The following GTF2F2 variants were observed in gnomAD, a reference collection of about 807,000 sequenced individuals.
GTF2F2 encodes ATP-dependent helicase GTF2F2.
In GTF2F2, 23 loss-of-function variants were observed where a neutral mutation model predicts 42.2. The ratio of observed to expected loss-of-function variants is 0.55; its 90% CI spans 0.39 to 0.77. The LOEUF is 0.77. Among genes scored for constraint, GTF2F2 ranks in the 30% least tolerant of loss-of-function variants. The pLI is 0.00. For synonymous variants in GTF2F2, 105 were observed against 100.8 expected (o/e 1.04, Z -0.25); for missense variants, 261 against 287.2 (o/e 0.91, Z 0.66).
intron 4 of GTF2F2, among the ~76,000 whole-genome samples, chr13:45,165,331 A>ATTTTTT (rs1555265772): frequency 2.2e-5 from 3 of 136,922 alleles, no homozygotes; most frequent in African/African-American, 8.6e-5. Context: ...ATATATATAT[A>ATTTTTT]TTTTTTTTTT....
At chr13:45,231,198 C>G (rs764087574) in intron 5 of GTF2F2, among the ~76,000 whole-genome samples, 9 of 152,112 alleles carry the variant, frequency 5.9e-5, no homozygotes, top group Non-Finnish European at 1.3e-4. Context: ...ACCTCTGCCT[C>G]CCAGGTTCAA....
intron 1 of GTF2F2, among the ~76,000 whole-genome samples, chr13:45,132,988 G>T (rs538510522): frequency 4.7e-4 from 71 of 152,264 alleles, no homozygotes; most frequent in East Asian, 5.8e-4. Context: ...TAGCGTGATC[G>T]AGAGCTTTCC....
intron 6 of GTF2F2, among the ~76,000 whole-genome samples, chr13:45,263,199 C>T (rs1164425868): frequency 2.0e-5 from 3 of 151,558 alleles, no homozygotes; most frequent in East Asian, 1.9e-4. Flanking sequence ...TTCTTGCTAT[C>T]GTTATTTTGT....
At chr13:45,211,912 G>A (rs138513509) in intron 5 of GTF2F2, among the ~76,000 whole-genome samples, 18 of 152,138 alleles carry the variant, frequency 1.2e-4, no homozygotes, top group African/African-American at 4.3e-4. Flanking sequence ...AGAATCATAA[G>A]ATACTATTCT....
chr13:45,282,640 G>A (rs1033892119), intron 7 of GTF2F2, among the ~76,000 whole-genome samples: 1 of 152,146 alleles, frequency 6.6e-6, no homozygotes, highest in African/African-American at 2.4e-5. Context: ...TAGTAGCTGG[G>A]ATTACAGGTT....
chr13:45,194,645 C>G, intron 4 of GTF2F2: 1 of 1,288,784 alleles, frequency 7.8e-7, no homozygotes, highest in Non-Finnish European at 1.1e-6. Flanking sequence ...ACAAGCACGC[C>G]TTTATTCAGC....
chr13:45,151,815 T>C lies in GTF2F2; in HGVS notation c.288T>C (p.Phe96=), dbSNP rs1254097456. ...TTGGAGGACAGACATTAACAGTATT[T>C]ACTGAGAGCTCATCAGGTAAGTGGG... ...QSVGGQTLTV[F]TESSSDKLSL... Residue 96 remains phenylalanine (F), a synonymous_variant, in exon 4 of 8, where the codon TTT becomes TTC. Transcript: ENST00000340473. The C allele has an allele frequency of 2.0e-6, 3 of 1,530,476 alleles. No homozygotes were observed. The highest frequency in any genetic ancestry group is 2.7e-6 in the Non-Finnish European group (3 of 1,128,744). 94.8% of individuals were successfully genotyped at this position (1,530,476 alleles called of 1,614,324 possible). A position where few individuals can be genotyped will look rare whatever the true frequency, so the allele number is the denominator to read the frequency against.
At chr13:45,254,603 A>G (rs1179447845) in intron 6 of GTF2F2, among the ~76,000 whole-genome samples, 2 of 152,212 alleles carry the variant, frequency 1.3e-5, no homozygotes, top group African/African-American at 2.4e-5. Context: ...TGGTGCAGCC[A>G]GTAATTTATC....
intron 7 of GTF2F2, among the ~76,000 whole-genome samples, chr13:45,269,072 CAT>C (rs1229718261): frequency 6.6e-6 from 1 of 152,092 alleles, no homozygotes; most frequent in Non-Finnish European, 1.5e-5. Context: ...ATCAGATTCT[CAT>C]AGAAGCCGCT....
chr13:45,262,638 C>T (rs4617735), intron 6 of GTF2F2, among the ~76,000 whole-genome samples: 54,792 of 151,886 alleles, frequency 0.36, 13,626 homozygotes, highest in African/African-American at 0.71. Context: ...AGGCTGGTCT[C>T]GAACTCCTAA....
Position 45,159,018 on chromosome 13 carries a change from C to G in GTF2F2, c.304+7187C>G, listed in dbSNP as rs1870905571. On this transcript the variant is annotated intron_variant, in intron 4 of 7. Transcript: ENST00000340473. ...CGAATATTCCTCACTTTATTTTTTG[C>G]TCATTATATTTTGGCACAGGTGATT... Among the ~76,000 whole-genome samples, 2 of 152,108 alleles carry G rather than the reference C, an allele frequency of 1.3e-5. 1 individual carries two copies. The highest frequency in any genetic ancestry group is 4.1e-4 in the South Asian group (2 of 4,832).
At chr13:45,212,455 C>CTTTTCTTTTCTTTTCTTTTCTTTTCT (rs1555269184) in intron 5 of GTF2F2, among the ~76,000 whole-genome samples, 5 of 96,592 alleles carry the variant, frequency 5.2e-5, no homozygotes, top group Non-Finnish European at 1.1e-4. Context: ...TTGTTTCTTT[C>CTTTTCTTTTCTTTTCTTTTCTTTTCT]TTTCTTTCTT....
At chr13:45,245,805 G>A (rs1875569167) in intron 5 of GTF2F2, among the ~76,000 whole-genome samples, 1 of 146,298 alleles carries the variant, frequency 6.8e-6, no homozygotes, top group African/African-American at 2.5e-5. Context: ...GCCGGGCGTG[G>A]TGGCAGGTGC....
intron 6 of GTF2F2, among the ~76,000 whole-genome samples, chr13:45,258,515 GACTTGTTGCAAAATA>G (rs1876194879): frequency 6.6e-6 from 1 of 152,198 alleles, no homozygotes. Context: ...TAGAGTTGAA[GACTTGTTGCAAAATA>G]ACTGGCAAAG....
chr13:45,148,391 C>T (rs1303161717), intron 2 of GTF2F2, among the ~76,000 whole-genome samples: 1 of 152,196 alleles, frequency 6.6e-6, no homozygotes, highest in Non-Finnish European at 1.5e-5. Flanking sequence ...TTTATCTCCT[C>T]CCCTTTCTTA....
At chr13:45,187,648 T>C (rs1334568250) in intron 4 of GTF2F2, among the ~76,000 whole-genome samples, 2 of 152,240 alleles carry the variant, frequency 1.3e-5, no homozygotes, top group African/African-American at 4.8e-5. Flanking sequence ...AATATTATCT[T>C]AAGCAAAATA....
intron 2 of GTF2F2, among the ~76,000 whole-genome samples, chr13:45,148,032 G>A (rs146994454): frequency 0.011 from 1,621 of 152,160 alleles, 35 homozygotes; most frequent in African/African-American, 0.037. Flanking sequence ...ACTTCCTTGA[G>A]GTCAAGGATC....
At chr13:45,198,714 T>C (rs923387338) in intron 4 of GTF2F2, among the ~76,000 whole-genome samples, 21 of 152,194 alleles carry the variant, frequency 1.4e-4, no homozygotes, top group African/African-American at 5.1e-4. Context: ...TTTTGTTTTT[T>C]TGTTTATTGA....
At chr13:45,264,306 CAG>C (rs1041493466) in intron 6 of GTF2F2, among the ~76,000 whole-genome samples, 26 of 149,680 alleles carry the variant, frequency 1.7e-4, no homozygotes, top group South Asian at 1.7e-3. Flanking sequence ...TTTTTTGAGA[CAG>C]AGTCACTCTG....
Sources: allele counts gnomAD v4.1 joint callset (sites outside exome capture counted in the v4.1 genomes callset), GRCh38; gene constraint gnomAD v4.1.1; transcripts MANE v1.5; gene names NCBI Gene and HGNC (gene_info 2026-07-23, HGNC 2026-07-21).